Variants in ATP9B observed in about 807,000 individuals in gnomAD.
The protein encoded by ATP9B is ATPase phospholipid transporting 9B.
Under a neutral mutation model 146.1 loss-of-function variants are expected in ATP9B, and 110 were observed. The ratio of observed to expected loss-of-function variants is 0.75; its 90% CI spans 0.65 to 0.88. The LOEUF (loss-of-function observed/expected upper bound fraction) is 0.88, where lower values mean the gene tolerates loss of function less well. Among genes scored for constraint, ATP9B ranks in the 40% least tolerant of loss-of-function variants. The pLI is 0.00. For synonymous variants in ATP9B, 604 were observed against 569.7 expected, an observed-to-expected ratio of 1.06 and a Z score of -0.86; for missense variants, 1,499 against 1,496.4, an observed-to-expected ratio of 1.00 and a Z score of -0.03.
chr18:79,137,661 C>T (rs1190234256), intron 5 of ATP9B, among the ~76,000 whole-genome samples: 3 of 152,216 alleles, frequency 2.0e-5, no homozygotes, highest in African/African-American at 7.2e-5. Context: ...CAGGCATGTT[C>T]TCCTTCAGGA....
chr18:79,143,900 A>G (rs1400099166), intron 6 of ATP9B, 40 bp downstream of exon 6: 3 of 1,294,324 alleles, frequency 2.3e-6, no homozygotes, highest in East Asian at 2.4e-5. Flanking sequence ...TATGTATGCT[A>G]GTTATTAATG....
intron 2 of ATP9B, among the ~76,000 whole-genome samples, chr18:79,105,932 A>G (rs1465463143): frequency 6.6e-6 from 1 of 152,136 alleles, no homozygotes; most frequent in Non-Finnish European, 1.5e-5. Context: ...ATAATTGTCT[A>G]ATTTTTGGGG....
intron 9 of ATP9B, among the ~76,000 whole-genome samples, chr18:79,201,622 G>A (rs910601560): frequency 6.6e-6 from 1 of 152,106 alleles, no homozygotes; most frequent in African/African-American, 2.4e-5. Context: ...CCAGGCTGGA[G>A]TGCAGTGGCG....
In ATP9B at chr18:79,267,016, A is replaced by G. The variant is rs144430331; in HGVS notation, c.1269-10038A>G. Among the ~76,000 whole-genome samples the G allele has an allele frequency of 1.0e-2, 1,514 of 152,004 alleles. 18 individuals carry two copies. The highest frequency in any genetic ancestry group is 0.034 in the African/African-American group (1,425 of 41,518). On this transcript the variant is annotated intron_variant, in intron 12 of 29. Transcript: ENST00000426216. ...TCTAAAATAATTTATCTAAAATTGG[A>G]ATTGTTTATTTCCTGAACATTTACA...
intron 25 of ATP9B, among the ~76,000 whole-genome samples, chr18:79,354,993 G>A (rs1328690386): frequency 6.6e-6 from 1 of 152,234 alleles, no homozygotes; most frequent in African/African-American, 2.4e-5. Context: ...AGCTGAAAGT[G>A]CCACTTCACG....
intron 11 of ATP9B, among the ~76,000 whole-genome samples, chr18:79,221,965 T>A (rs1339209811): frequency 6.6e-6 from 1 of 151,444 alleles, no homozygotes; most frequent in East Asian, 1.9e-4. Flanking sequence ...ATGAAAAATT[T>A]TAAACATACA....
Position 79,298,705 on chromosome 18 carries a change from CTG to C in ATP9B, c.1412-4894_1412-4893del, listed in dbSNP as rs1412760119. 2.0e-5 allele frequency among the ~76,000 whole-genome samples: 3 copies of C among 146,708 alleles called. 1 individual carries two copies. Among genetic ancestry groups the C allele is most frequent in the African/African-American group, 7.5e-5 (3 of 39,892 alleles). ...CTTAAATAAGCTGCAGTCATCAAGA[CTG>C]TGTGGTATTGGGGGATTTTTCAATG... On this transcript the variant is annotated intron_variant, in intron 13 of 29. Transcript: ENST00000426216.
At chr18:79,107,678 T>C (rs1419670653) in intron 2 of ATP9B, among the ~76,000 whole-genome samples, 9 of 152,212 alleles carry the variant, frequency 5.9e-5, no homozygotes, top group Admixed American at 5.9e-4. Flanking sequence ...TGTTTTTCCA[T>C]TGTGTTTTGT....
chr18:79,223,938 A>C (rs1353481232), intron 11 of ATP9B, among the ~76,000 whole-genome samples: 5 of 152,370 alleles, frequency 3.3e-5, no homozygotes, highest in Admixed American at 6.5e-5. Flanking sequence ...ATATGAATTT[A>C]ATTAGAAAAC....
chr18:79,376,630 TCCAC>T (rs2097104859), intron 29 of ATP9B, among the ~76,000 whole-genome samples: 1 of 151,754 alleles, frequency 6.6e-6, no homozygotes, highest in South Asian at 2.1e-4. Flanking sequence ...CCTCAGGTGA[TCCAC>T]CCACCTCAGC....
chr18:79,372,760 C>T, intron 26 of ATP9B, 65 bp from the exon 27 acceptor site: 1 of 1,088,830 alleles, frequency 9.2e-7, no homozygotes, highest in Non-Finnish European at 1.4e-6. Flanking sequence ...ATAGCTCACT[C>T]CTGGAAGGCG....
At chr18:79,344,389 T>C in intron 21 of ATP9B, 35 bp downstream of exon 21, 2 of 1,599,068 alleles carry the variant, frequency 1.3e-6, no homozygotes, top group Non-Finnish European at 1.7e-6. Context: ...CATGTCTGTC[T>C]GTGTCTCTGA....
intron 10 of ATP9B, among the ~76,000 whole-genome samples, chr18:79,208,174 G>C (rs1461815667): frequency 6.6e-6 from 1 of 152,212 alleles, no homozygotes; most frequent in African/African-American, 2.4e-5. Flanking sequence ...GAACCCGGGA[G>C]CCGGAGCTTG....
Position 79,347,930 on chromosome 18 carries a change from T to C in ATP9B, c.2838+5T>C. The C allele has an allele frequency of 6.2e-7, 1 of 1,610,526 alleles. No individual in the cohort carries two copies. Among genetic ancestry groups the C allele is most frequent in the South Asian group, 1.1e-5 (1 of 90,916 alleles). On this transcript the variant is annotated splice_donor_5th_base_variant and intron_variant, in intron 24 of 29. Transcript: ENST00000426216. ...CTTATCATCTCCACCATGCAGGTAC[T>C]AAGCCTTCTGTGCTGGCACCCATGG... is the stretch of plus-strand genomic sequence containing the variant.
intron 5 of ATP9B, among the ~76,000 whole-genome samples, chr18:79,134,573 G>A (rs1001384973): frequency 2.0e-5 from 3 of 152,204 alleles, no homozygotes; most frequent in Admixed American, 1.3e-4. Context: ...TAAGGCCAGG[G>A]GGCTGCCCTG....
intron 11 of ATP9B, among the ~76,000 whole-genome samples, chr18:79,235,605 ACAT>A (rs972837748): frequency 6.6e-6 from 1 of 151,906 alleles, no homozygotes; most frequent in African/African-American, 2.4e-5. Context: ...GCTCAGTTAA[ACAT>A]CATAAAACGA....
intron 6 of ATP9B, among the ~76,000 whole-genome samples, chr18:79,148,662 C>T (rs964647278): frequency 5.3e-5 from 8 of 152,032 alleles, no homozygotes; most frequent in South Asian, 4.2e-4. Flanking sequence ...CTGAGACTGG[C>T]GACAAGGATG....
intron 5 of ATP9B, among the ~76,000 whole-genome samples, chr18:79,129,906 G>A (rs1470725393): frequency 6.6e-6 from 1 of 152,078 alleles, no homozygotes; most frequent in African/African-American, 2.4e-5. Flanking sequence ...ACCATGCCCG[G>A]CTATTTTTTG....
chr18:79,343,104 G>A (rs1257518892), intron 20 of ATP9B, among the ~76,000 whole-genome samples: 1 of 152,210 alleles, frequency 6.6e-6, no homozygotes, highest in African/African-American at 2.4e-5. Context: ...TGCACCTACA[G>A]AAGGAGTTAT....
Sources: gnomAD v4.1 joint callset for allele counts (sites outside exome capture counted in the v4.1 genomes callset) on GRCh38, gnomAD v4.1.1 for gene constraint, MANE v1.5 for transcripts, NCBI Gene and HGNC (gene_info 2026-07-23, HGNC 2026-07-21) for gene names.